CNTN5: variants seen among roughly 807,000 people sequenced by gnomAD.
CNTN5 encodes the protein contactin 5, also known as contactin-5.
In CNTN5, 77 loss-of-function variants were observed where a neutral mutation model predicts 129.1. The observed-to-expected ratio is 0.60, with a 90% CI of 0.50 to 0.72. The LOEUF (loss-of-function observed/expected upper bound fraction) is 0.72. Ranked by LOEUF, CNTN5 falls within the 30% of genes least tolerant of loss-of-function variation. The pLI, the probability that CNTN5 is intolerant of heterozygous loss-of-function variation, is 0.00. For synonymous variants in CNTN5, 509 were observed against 465.6 expected (o/e 1.09, Z -1.20); for missense variants, 1,478 against 1,328.8 (o/e 1.11, Z -1.75).
intron 9 of CNTN5, among the ~76,000 whole-genome samples, chr11:100,020,602 G>A (rs1045374270): frequency 1.3e-5 from 2 of 152,038 alleles, no homozygotes; most frequent in Non-Finnish European, 2.9e-5. Flanking sequence ...AGCTTGCATT[G>A]GCTATTGAAG....
intron 1 of CNTN5, among the ~76,000 whole-genome samples, chr11:99,274,380 C>A (rs1033663536): frequency 5.3e-5 from 8 of 151,604 alleles, no homozygotes; most frequent in African/African-American, 1.9e-4. Context: ...TTTAACAGAG[C>A]ATTGTACCAG....
At chr11:99,504,356 C>T (rs1272301280) in intron 2 of CNTN5, among the ~76,000 whole-genome samples, 2 of 151,890 alleles carry the variant, frequency 1.3e-5, no homozygotes, top group Non-Finnish European at 2.9e-5. Context: ...TCATGGCTAA[C>T]ACGGTGAAAC....
At chr11:99,571,314 T>C (rs181142458) in intron 3 of CNTN5, among the ~76,000 whole-genome samples, 5 of 152,320 alleles carry the variant, frequency 3.3e-5, no homozygotes, top group African/African-American at 9.6e-5. Context: ...GGAGCTCACA[T>C]AATCTTCAGC....
chr11:99,959,302 T>C (rs969077002), intron 8 of CNTN5, among the ~76,000 whole-genome samples: 2 of 152,176 alleles, frequency 1.3e-5, no homozygotes, highest in African/African-American at 4.8e-5. Context: ...CCCCTAAATT[T>C]TTGGAAACTT....
At chr11:100,223,845 T>C (rs1041459043) in intron 15 of CNTN5, among the ~76,000 whole-genome samples, 1 of 152,180 alleles carries the variant, frequency 6.6e-6, no homozygotes, top group Non-Finnish European at 1.5e-5. Context: ...GATCTTTACA[T>C]GATCACGATA....
rs377229324 is a variant in CNTN5, at chr11:99,342,674, G to T, written c.-71+17190G>T. ...GTGGGCAGGATCCCAGGAGATGGAG[G>T]TTGTGGTGATAGTACCACTGCACTC... On this transcript the variant is annotated intron_variant, in intron 2 of 24. Transcript: ENST00000524871. Among the ~76,000 whole-genome samples, 108 of 148,268 alleles carry T rather than the reference G, an allele frequency of 7.3e-4. 5 individuals carry two copies. In the South Asian group the frequency reaches 0.023, roughly 31 times the overall value.
chr11:99,194,733 G>A (rs1052855845), intron 1 of CNTN5, among the ~76,000 whole-genome samples: 3 of 152,112 alleles, frequency 2.0e-5, no homozygotes, highest in Non-Finnish European at 4.4e-5. Flanking sequence ...AGCCTCCCCA[G>A]TAGCTGGGAC....
intron 2 of CNTN5, among the ~76,000 whole-genome samples, chr11:99,358,079 C>T (rs1187886219): frequency 3.5e-5 from 5 of 144,608 alleles, no homozygotes; most frequent in Non-Finnish European, 7.6e-5. Context: ...ATAAAATAAC[C>T]TTCACATCAA....
chr11:100,285,661 T>G (rs1429000799), intron 18 of CNTN5, among the ~76,000 whole-genome samples: 1 of 152,218 alleles, frequency 6.6e-6, no homozygotes, highest in Non-Finnish European at 1.5e-5. Flanking sequence ...GTTATTTTTT[T>G]CCTACACTGT....
intron 8 of CNTN5, among the ~76,000 whole-genome samples, chr11:99,984,872 CA>C (rs1440265394): frequency 6.6e-6 from 1 of 152,140 alleles, no homozygotes; most frequent in East Asian, 1.9e-4. Flanking sequence ...AGACTTGCAA[CA>C]GGGGCGCCCC....
intron 3 of CNTN5, among the ~76,000 whole-genome samples, chr11:99,715,816 C>G (rs1279797125): frequency 6.6e-6 from 1 of 151,628 alleles, no homozygotes; most frequent in East Asian, 1.9e-4. Flanking sequence ...TTATTCCTTT[C>G]CCTGCCAAAA....
At chr11:100,337,224 A>G (rs1204481944) in intron 21 of CNTN5, 11 of 1,542,472 alleles carry the variant, frequency 7.1e-6, no homozygotes, top group Non-Finnish European at 9.8e-6. Context: ...CTCCAGAAAC[A>G]TATGTGAAAG....
chr11:100,286,352 C>T (rs1396868290), intron 18 of CNTN5, among the ~76,000 whole-genome samples: 1 of 151,824 alleles, frequency 6.6e-6, no homozygotes. Flanking sequence ...ACTTAAATGT[C>T]CCTGTCTGAC....
intron 2 of CNTN5, among the ~76,000 whole-genome samples, chr11:99,459,941 A>C (rs932233665): frequency 2.6e-5 from 4 of 151,962 alleles, no homozygotes; most frequent in Non-Finnish European, 5.9e-5. Context: ...AAATAGAAGG[A>C]GCTAGTATTA....
At chr11:99,639,565 T>TG (rs1951691159) in intron 3 of CNTN5, among the ~76,000 whole-genome samples, 1 of 138,330 alleles carries the variant, frequency 7.2e-6, no homozygotes, top group African/African-American at 2.7e-5. Context: ...TTATGTTTTT[T>TG]TTTTTTTTTT....
chr11:99,434,858 A>G (rs1943540307), intron 2 of CNTN5, among the ~76,000 whole-genome samples: 1 of 152,162 alleles, frequency 6.6e-6, no homozygotes, highest in Admixed American at 6.6e-5. Context: ...AAATTTCTGA[A>G]TTAAAATGAA....
intron 13 of CNTN5, among the ~76,000 whole-genome samples, chr11:100,175,955 A>C (rs751897470): frequency 1.6e-4 from 25 of 152,204 alleles, no homozygotes; most frequent in South Asian, 1.5e-3. Flanking sequence ...ATATCCTATA[A>C]AAAGGTGCTT....
At chr11:99,677,666 C>T (rs1259035855) in intron 3 of CNTN5, among the ~76,000 whole-genome samples, 1 of 152,028 alleles carries the variant, frequency 6.6e-6, no homozygotes, top group East Asian at 1.9e-4. Flanking sequence ...GATTACATTT[C>T]TTAAAAATAG....
intron 1 of CNTN5, among the ~76,000 whole-genome samples, chr11:99,258,202 G>A (rs1862466572): frequency 6.6e-6 from 1 of 151,878 alleles, no homozygotes; most frequent in South Asian, 2.1e-4. Context: ...TTGTTATATA[G>A]GTAAACTCAT....
Sources: allele counts gnomAD v4.1 joint callset (sites outside exome capture counted in the v4.1 genomes callset), GRCh38; gene constraint gnomAD v4.1.1; transcripts MANE v1.5; gene names NCBI Gene and HGNC (gene_info 2026-07-23, HGNC 2026-07-21).